ADGRF3: variants seen among roughly 807,000 people sequenced by gnomAD.
The protein encoded by ADGRF3 is G protein-coupled receptor 113.
In ADGRF3, 85 loss-of-function variants were observed where a neutral mutation model predicts 93.2. The ratio of observed to expected loss-of-function variants is 0.91; its 90% CI spans 0.77 to 1.09. ADGRF3 has a LOEUF of 1.09. Ranked by LOEUF, ADGRF3 falls within the 50% of genes least tolerant of loss-of-function variation. The pLI is 0.00. For missense variants in ADGRF3, 1,125 were observed against 1,246.2 expected (o/e 0.90, Z 1.46); for synonymous variants, 534 against 532.5 (o/e 1.00, Z -0.04).
Position 26,311,330 on chromosome 2 carries a change from C to T in ADGRF3, c.2194G>A (p.Val732Met). Residue 732 changes from valine (V) to methionine (M), a missense_variant, in exon 10 of 14, where the codon GTG (valine) becomes ATG (methionine). Val to Met is a conservative substitution (Grantham distance 21, BLOSUM62 1). Coordinates refer to ENST00000651242, the MANE Select transcript of ADGRF3 (RefSeq NM_001321971.2). ...CGGAAATAGGAGATCTTGTTCCGCA[C>T]CACGACTCTCCACACCAGCCAGTAC... ...GVYWLVWRVV[V>M]RNKISYFRHA... 1 of 1,613,970 alleles carries T rather than the reference C, an allele frequency of 6.2e-7. No individual in the cohort carries two copies. Among genetic ancestry groups the T allele is most frequent in the Non-Finnish European group, 8.5e-7 (1 of 1,179,900 alleles).
In ADGRF3 at chr2:26,314,420, T is replaced by G; in HGVS notation, c.922A>C (p.Ser308Arg). Residue 308 changes from serine to arginine, a missense_variant, in exon 6 of 14, where the codon AGC (serine) becomes CGC (arginine). Ser to Arg is a moderately radical substitution (Grantham distance 110). Transcript: ENST00000651242. ...YTAAWSPGEG[S>R]KASSFNESGS... The stretch of plus-strand genomic sequence containing the variant: ...TGCTGGCCCCTTCTCATACCTTTGC[T>G]GCCCTCTCCAGGGCTCCAGGCCGCG... 6.2e-7 allele frequency: 1 copy of G among 1,613,066 alleles called. No homozygotes were observed. The highest frequency in any genetic ancestry group is 1.7e-5 in the Admixed American group (1 of 60,000).
chr2:26,336,727 A>T (rs1216248143), intron 1 of ADGRF3, among the ~76,000 whole-genome samples: 1 of 145,824 alleles, frequency 6.9e-6, no homozygotes, highest in Non-Finnish European at 1.5e-5. Flanking sequence ...CTCCATAAAA[A>T]AAAAAAAAAA....
Position 26,313,493 on chromosome 2 carries a change from A to G in ADGRF3, c.1153T>C (p.Cys385Arg). The stretch of plus-strand genomic sequence containing the variant: ...ACTATGCCCCTCTTGCTCTCAGGAC[A>G]TGGGGCCTGTGCCACGTGGCCAGCC... ...TKAGHVAQAP[C>R]PESKRGIVRR... The change falls in exon 8 of 14, where the codon TGT becomes CGT. Residue 385 changes from cysteine to arginine, a missense_variant. By Grantham distance (180) the Cys-to-Arg change is radical. Transcript: ENST00000651242. The G allele has an allele frequency of 6.2e-7, 1 of 1,612,082 alleles. No homozygotes were observed. The highest frequency in any genetic ancestry group is 8.5e-7 in the Non-Finnish European group (1 of 1,179,238).
chr2:26,343,224 T>C (rs1333495048), intron 1 of ADGRF3, among the ~76,000 whole-genome samples: 5 of 152,102 alleles, frequency 3.3e-5, no homozygotes, highest in African/African-American at 1.2e-4. Flanking sequence ...GGAAACATGG[T>C]TATATGGAGC....
chr2:26,325,082 G>A (rs1045404413), intron 1 of ADGRF3, among the ~76,000 whole-genome samples: 1 of 152,196 alleles, frequency 6.6e-6, no homozygotes, highest in Non-Finnish European at 1.5e-5. Flanking sequence ...GCTGTTATGC[G>A]ATACAGGATT....
At chr2:26,326,233 T>C (rs1675428394) in intron 1 of ADGRF3, among the ~76,000 whole-genome samples, 2 of 152,112 alleles carry the variant, frequency 1.3e-5, no homozygotes, top group African/African-American at 4.8e-5. Context: ...TGAGGACAAG[T>C]ATGGAGGACT....
intron 1 of ADGRF3, among the ~76,000 whole-genome samples, chr2:26,321,221 A>G (rs534371413): frequency 6.6e-6 from 1 of 152,246 alleles, no homozygotes; most frequent in Non-Finnish European, 1.5e-5. Flanking sequence ...GGGCAAATAC[A>G]CTCATGGGAG....
rs574115662 is a variant in ADGRF3, at chr2:26,320,710, G to A, written c.115-3148C>T. Among the ~76,000 whole-genome samples, 15 of 152,260 alleles carry A rather than the reference G, an allele frequency of 9.9e-5. No homozygotes were observed. In the South Asian group the frequency reaches 3.1e-3, roughly 32 times the overall value. ...ATTCAAGGCAGAATTGTTTGTGATAGCAAATGAGTTGATTAAACAATCAAA... is the reference window on the plus strand; with the variant it reads ...ATTCAAGGCAGAATTGTTTGTGATAACAAATGAGTTGATTAAACAATCAAA... On this transcript the variant is annotated intron_variant, in intron 1 of 13. Coordinates refer to ENST00000651242, the MANE Select transcript of ADGRF3 (RefSeq NM_001321971.2).
At chr2:26,318,175 C>T in intron 1 of ADGRF3, 1 of 1,197,278 alleles carries the variant, frequency 8.4e-7, no homozygotes, top group Non-Finnish European at 1.2e-6. Context: ...ACATGGCAGT[C>T]CTTCCTCCAG....
In ADGRF3 at chr2:26,311,714, G is replaced by T. The variant is rs1425643284; in HGVS notation, c.1810C>A (p.Gln604Lys). Residue 604 changes from glutamine (Q) to lysine (K), a missense_variant, in exon 10 of 14, where the codon CAA becomes AAA. Gln to Lys is a moderately conservative substitution (Grantham distance 53). Transcript: ENST00000651242. ...LDHLLPSNYGQGLGDSLYATP... is the reference protein window; with the variant it reads ...LDHLLPSNYGKGLGDSLYATP... ...GCATAGAGGGAATCCCCCAGCCCTTGTCCATAGTTTGAGGGCAGAAGGTGG... is the reference window on the plus strand; with the variant it reads ...GCATAGAGGGAATCCCCCAGCCCTTTTCCATAGTTTGAGGGCAGAAGGTGG... The T allele has an allele frequency of 7.4e-6, 12 of 1,613,462 alleles. No individual in the cohort carries two copies. The highest frequency in any genetic ancestry group is 9.3e-6 in the Non-Finnish European group (11 of 1,179,718).
At chr2:26,338,048 G>GATAA in intron 1 of ADGRF3, among the ~76,000 whole-genome samples, 1 of 151,824 alleles carries the variant, frequency 6.6e-6, no homozygotes. Context: ...TAAATAAATA[G>GATAA]ATAAATAAAT....
chr2:26,345,303 T>A (rs1238172242), intron 1 of ADGRF3, among the ~76,000 whole-genome samples: 1 of 152,156 alleles, frequency 6.6e-6, no homozygotes, highest in Non-Finnish European at 1.5e-5. Flanking sequence ...TGTTTGTTTG[T>A]TTGTTTTACA....
At chr2:26,313,655 G>A (rs975345536) in intron 7 of ADGRF3, 82 bp from the exon 8 acceptor site, 32 of 1,562,776 alleles carry the variant, frequency 2.0e-5, no homozygotes, top group South Asian at 7.1e-5. Flanking sequence ...TGCGGGCCCC[G>A]AAGCCTGGTC....
At chr2:26,313,928 C>T in intron 6 of ADGRF3, 25 bp from the exon 7 acceptor site, 1 of 1,613,330 alleles carries the variant, frequency 6.2e-7, no homozygotes, top group Non-Finnish European at 8.5e-7. Flanking sequence ...AAGAAGGGAA[C>T]TGTCATTGGG....
chr2:26,313,932 C>T (rs1478475698), intron 6 of ADGRF3, 29 bp from the exon 7 acceptor site: 1 of 1,612,882 alleles, frequency 6.2e-7, no homozygotes, highest in Non-Finnish European at 8.5e-7. Flanking sequence ...AGGGAACTGT[C>T]ATTGGGCCAG....
intron 1 of ADGRF3, among the ~76,000 whole-genome samples, chr2:26,322,794 A>G (rs533850947): frequency 7.9e-5 from 12 of 152,308 alleles, no homozygotes; most frequent in African/African-American, 2.6e-4. Flanking sequence ...ACTTTTCTGT[A>G]TGTTTCAATT....
intron 1 of ADGRF3, chr2:26,318,234 G>A (rs1471091609): frequency 1.1e-5 from 7 of 654,964 alleles, no homozygotes; most frequent in Non-Finnish European, 1.9e-5. Context: ...CTGTCTATAT[G>A]CACCTGCGTG....
intron 1 of ADGRF3, among the ~76,000 whole-genome samples, chr2:26,341,517 T>C (rs1220869858): frequency 6.6e-6 from 1 of 152,178 alleles, no homozygotes; most frequent in Non-Finnish European, 1.5e-5. Flanking sequence ...ACTTTTTCTG[T>C]GACAAAAATA....
At chr2:26,319,104 C>T (rs1442187211) in intron 1 of ADGRF3, 4 of 1,518,926 alleles carry the variant, frequency 2.6e-6, no homozygotes, top group Non-Finnish European at 3.6e-6. Flanking sequence ...CAAGGAAGAG[C>T]TGGCAGGGCA....
Sources: allele counts gnomAD v4.1 joint callset (sites outside exome capture counted in the v4.1 genomes callset), GRCh38; gene constraint gnomAD v4.1.1; transcripts MANE v1.5; gene names NCBI Gene and HGNC (gene_info 2026-07-23, HGNC 2026-07-21).